BRF2: variants seen among roughly 807,000 people sequenced by gnomAD.
The protein encoded by BRF2 is transcription factor IIIB 50 kDa subunit.
In BRF2, 17 loss-of-function variants were observed where a neutral mutation model predicts 26.6. That is an observed-to-expected ratio of 0.64 (90% CI 0.44 to 0.96). The LOEUF (loss-of-function observed/expected upper bound fraction) is 0.96. BRF2 is among the 40% of genes least tolerant of loss of function. The pLI, the probability that BRF2 is intolerant of heterozygous loss-of-function variation, is 0.00. For missense variants in BRF2, 515 were observed against 537.0 expected, an observed-to-expected ratio of 0.96 and a Z score of 0.40; for synonymous variants, 219 against 226.6, an observed-to-expected ratio of 0.97 and a Z score of 0.30.
chr8:37,844,292 A>G lies in BRF2; in HGVS notation c.*198T>C. On this transcript the variant is annotated 3_prime_UTR_variant, in exon 4 of 4. Coordinates refer to ENST00000220659, the MANE Select transcript of BRF2 (RefSeq NM_018310.4). ...TTGCTCTCCCACACCAAGGGATGGG[A>G]ATCTCTCCTACCTATAGTCATCCCT... 1 of 621,614 alleles carries G rather than the reference A, an allele frequency of 1.6e-6. No individual in the cohort carries two copies. The highest frequency in any genetic ancestry group is 2.8e-6 in the Non-Finnish European group (1 of 354,716). The allele number at this position is 621,614 out of a possible 1,614,324, so 38.5% of individuals were successfully genotyped here.
At position 37,847,529 on chromosome 8, in the gene BRF2, ATTTAT is replaced by A. The variant is rs746692073; in HGVS notation, c.215-359_215-355del. On this transcript the variant is annotated intron_variant, in intron 2 of 3. Transcript: ENST00000220659. ...TCTCAGAACCATCCCTATTTGTTTT[ATTTAT>A]TTTATTATTTTCTGAGACAGAGTCT... is the stretch of plus-strand genomic sequence containing the variant. 5.9e-5 allele frequency among the ~76,000 whole-genome samples: 9 copies of A among 152,102 alleles called. 1 individual carries two copies. The highest frequency in any genetic ancestry group is 3.3e-4 in the Admixed American group (5 of 15,282).
In BRF2 at chr8:37,845,137, T is replaced by C. The variant is rs1229440195; in HGVS notation, c.613A>G (p.Met205Val). The C allele has an allele frequency of 4.3e-6, 7 of 1,613,712 alleles. No individual in the cohort carries two copies. Among genetic ancestry groups the C allele is most frequent in the Non-Finnish European group, 5.9e-6 (7 of 1,179,928 alleles). The change falls in exon 4 of 4, where the codon ATG becomes GTG. Residue 205 changes from methionine to valine, a missense_variant. By Grantham distance (21) the Met-to-Val change is conservative. Transcript: ENST00000220659. ...TCATTTGCCAGCTCCACCAACTGCATTGTTCGAGACAGCATCTTCTCTTTG... is the reference window on the plus strand; with the variant it reads ...TCATTTGCCAGCTCCACCAACTGCACTGTTCGAGACAGCATCTTCTCTTTG... The part of the protein sequence containing the change: ...EDKEKMLSRT[M>V]QLVELANETW...
chr8:37,847,401 G>C, intron 2 of BRF2: 1 of 651,468 alleles, frequency 1.5e-6, no homozygotes, highest in Non-Finnish European at 2.8e-6. Flanking sequence ...GTTTTTGCAG[G>C]CTGGTTTGAT....
intron 2 of BRF2, 36 bp from the exon 3 acceptor site, chr8:37,847,211 A>G (rs144187086): frequency 3.3e-4 from 522 of 1,595,182 alleles, no homozygotes; most frequent in Non-Finnish European, 4.2e-4. Flanking sequence ...AGAGGGGTCA[A>G]AGGAGCTATC....
At chr8:37,846,804 G>A in intron 3 of BRF2, 50 bp downstream of exon 3, 1 of 1,325,468 alleles carries the variant, frequency 7.5e-7, no homozygotes, top group South Asian at 1.2e-5. Context: ...AAGGATTCAG[G>A]TCTAAGGACC....
chr8:37,845,422 A>G (rs1352911667), intron 3 of BRF2, among the ~76,000 whole-genome samples: 1 of 151,808 alleles, frequency 6.6e-6, no homozygotes, highest in African/African-American at 2.4e-5. Context: ...GAGCACGAAC[A>G]TTTATTGGGC....
Position 37,843,675 on chromosome 8 carries a change from G to A in BRF2, c.*815C>T, listed in dbSNP as rs936795736. The A allele has an allele frequency of 1.3e-5, 2 of 152,546 alleles. No homozygotes were observed. The highest frequency in any genetic ancestry group is 1.3e-4 in the Admixed American group (2 of 15,290). The allele number at this position is 152,546 out of a possible 1,614,324, so 9.4% of individuals were successfully genotyped here. On this transcript the variant is annotated 3_prime_UTR_variant, in exon 4 of 4. Coordinates refer to ENST00000220659, the MANE Select transcript of BRF2 (RefSeq NM_018310.4). ...AGGTGACAGAGGACACAGGGGAGGG[G>A]GAAAACCCACACACACTCCTTGGAA...
At chr8:37,845,633 A>G (rs1392966297) in intron 3 of BRF2, 2 of 687,156 alleles carry the variant, frequency 2.9e-6, no homozygotes, top group Non-Finnish European at 5.3e-6. Context: ...AGAAAAGAAC[A>G]TAGCTACTTC....
In BRF2 at chr8:37,844,226, C is replaced by T. The variant is rs1805904075; in HGVS notation, c.*264G>A. The T allele has an allele frequency of 2.1e-6, 1 of 482,634 alleles. No individual in the cohort carries two copies. The allele number at this position is 482,634 out of a possible 1,614,324, so 29.9% of individuals were successfully genotyped here. On this transcript the variant is annotated 3_prime_UTR_variant, in exon 4 of 4. Transcript: ENST00000220659. ...AAGAGCCTGACATTTTCCCATCCAT[C>T]TATGAGGAAAGCCATCTCACAGAAC...
intron 3 of BRF2, 51 bp from the exon 4 acceptor site, chr8:37,845,264 C>T: frequency 6.8e-7 from 1 of 1,472,386 alleles, no homozygotes; most frequent in South Asian, 1.2e-5. Flanking sequence ...GGGCTGCTCT[C>T]CCACAGTGAG....
intron 3 of BRF2, among the ~76,000 whole-genome samples, chr8:37,846,377 A>G (rs950513179): frequency 6.6e-6 from 1 of 152,134 alleles, no homozygotes; most frequent in Non-Finnish European, 1.5e-5. Context: ...CATTCTAAAA[A>G]TGTAAAACAA....
chr8:37,843,552 A>C lies in BRF2; in HGVS notation c.*938T>G, dbSNP rs1458544466. The C allele has an allele frequency of 2.6e-5, 4 of 152,246 alleles. No homozygotes were observed. Among genetic ancestry groups the C allele is most frequent in the Non-Finnish European group, 5.9e-5 (4 of 68,076 alleles). 9.4% of individuals were successfully genotyped at this position (152,246 alleles called of 1,614,324 possible). Reference sequence around the variant, plus strand: ...AGCATTTCACTACAGGACCAAATGGAAACCGAGGGAACCCTGGGTCTTGGG... The same window carrying C: ...AGCATTTCACTACAGGACCAAATGGCAACCGAGGGAACCCTGGGTCTTGGG... On this transcript the variant is annotated 3_prime_UTR_variant, in exon 4 of 4. Coordinates refer to ENST00000220659, the MANE Select transcript of BRF2 (RefSeq NM_018310.4).
intron 3 of BRF2, among the ~76,000 whole-genome samples, chr8:37,846,199 T>C (rs1805953678): frequency 6.6e-6 from 1 of 151,604 alleles, no homozygotes; most frequent in Admixed American, 6.6e-5. Context: ...AAACAAAAAA[T>C]TAGCCAGGCA....
chr8:37,843,495 C>A lies in BRF2; in HGVS notation c.*995G>T, dbSNP rs1283177646. The A allele has an allele frequency of 6.6e-6, 1 of 152,240 alleles. No individual in the cohort carries two copies. The highest frequency in any genetic ancestry group is 1.5e-5 in the Non-Finnish European group (1 of 68,066). 9.4% of individuals were successfully genotyped at this position (152,240 alleles called of 1,614,324 possible). On this transcript the variant is annotated 3_prime_UTR_variant, in exon 4 of 4. Transcript: ENST00000220659. ...CCTTTACTCCTTTTAAACACCAGCA[C>A]CCGTCTTTTCCCCAACCTAAAACCA...
Position 37,845,074 on chromosome 8 carries a change from T to C in BRF2, c.676A>G (p.Ile226Val), listed in dbSNP as rs1393603465. The C allele has an allele frequency of 1.2e-6, 2 of 1,613,786 alleles. No individual in the cohort carries two copies. The highest frequency in any genetic ancestry group is 2.7e-5 in the African/African-American group (2 of 74,938). Reference protein sequence around the residue: ...LVTGRHPLPVITAATFLAWQS... With the variant: ...LVTGRHPLPVVTAATFLAWQS... ...CAAGCCAGGAAAGTCGCAGCAGTGA[T>C]GACGGGCAAGGGATGCCTCCCGGTC... Residue 226 changes from isoleucine to valine, a missense_variant, in exon 4 of 4, where the codon ATC (isoleucine) becomes GTC (valine). By Grantham distance (29) the Ile-to-Val change is conservative. Coordinates refer to ENST00000220659, the MANE Select transcript of BRF2 (RefSeq NM_018310.4).
intron 3 of BRF2, among the ~76,000 whole-genome samples, 168 bp from the exon 4 acceptor site, chr8:37,845,381 G>A (rs978177520): frequency 6.6e-6 from 1 of 151,764 alleles, no homozygotes; most frequent in African/African-American, 2.4e-5. Context: ...GGCGTCTTCC[G>A]CTTGTTAGGG....
In BRF2 at chr8:37,844,177, T is replaced by C. The variant is rs528708421; in HGVS notation, c.*313A>G. On this transcript the variant is annotated 3_prime_UTR_variant, in exon 4 of 4. Coordinates refer to ENST00000220659, the MANE Select transcript of BRF2 (RefSeq NM_018310.4). ...AGGCCTGCAGGAGGAGCCGCAGCAG[T>C]GTGTCCAATTCAAACCAGCAGCAAA... 3 of 328,012 alleles carry C rather than the reference T, an allele frequency of 9.1e-6. No homozygotes were observed. Among genetic ancestry groups the C allele is most frequent in the African/African-American group, 4.1e-5 (2 of 48,388 alleles). The allele number at this position is 328,012 out of a possible 1,614,324, so 20.3% of individuals were successfully genotyped here.
At chr8:37,845,715 T>A in intron 3 of BRF2, 1 of 700,514 alleles carries the variant, frequency 1.4e-6, no homozygotes. Context: ...GGTGGGCAGA[T>A]CGCTTGAGCC....
rs143785241 is a variant in BRF2 at position 37,844,670 on chromosome 8, G to C, written c.1080C>G (p.Pro360=). 2 of 1,614,006 alleles carry C rather than the reference G, an allele frequency of 1.2e-6. No homozygotes were observed. The highest frequency in any genetic ancestry group is 1.7e-6 in the Non-Finnish European group (2 of 1,180,032). Residue 360 remains proline (P), a synonymous_variant, in exon 4 of 4, where the codon CCC becomes CCG. Transcript: ENST00000220659. The part of the protein sequence containing the change: ...RPASPALLLP[P]CMLKSPKRIC... ...TCCGCTTCGGGGACTTCAACATGCAGGGTGGCAAGAGAAGGGCAGGACTGG... is the reference window on the plus strand; with the variant it reads ...TCCGCTTCGGGGACTTCAACATGCACGGTGGCAAGAGAAGGGCAGGACTGG...
Sources: gnomAD v4.1 joint callset for allele counts (sites outside exome capture counted in the v4.1 genomes callset) on GRCh38, gnomAD v4.1.1 for gene constraint, MANE v1.5 for transcripts, NCBI Gene and HGNC (gene_info 2026-07-23, HGNC 2026-07-21) for gene names.